ABI2: variants seen among roughly 807,000 people sequenced by gnomAD.
The protein encoded by ABI2 is abelson interactor 2.
ABI2 carries 25 observed loss-of-function variants against 59.2 expected under a neutral mutation model. The observed-to-expected ratio is 0.42, with a 90% CI of 0.31 to 0.59. ABI2 has a LOEUF of 0.59. Ranked by LOEUF, ABI2 falls within the 20% of genes least tolerant of loss-of-function variation. The pLI is 0.14. For missense variants in ABI2, 545 were observed against 681.8 expected, an observed-to-expected ratio of 0.80 and a Z score of 2.23; for synonymous variants, 213 against 235.5, an observed-to-expected ratio of 0.90 and a Z score of 0.87.
rs760904702 is a variant in ABI2, at chr2:203,395,609, C to T, written c.726-47C>T. 8 of 1,579,940 alleles carry T rather than the reference C, an allele frequency of 5.1e-6. No individual in the cohort carries two copies. The African/African-American group carries it at 9.6e-5, about 19-fold the overall frequency. On this transcript the variant is annotated intron_variant, in intron 6 of 11. Coordinates refer to ENST00000261018, the MANE Select transcript of ABI2 (RefSeq NM_001375670.1). ...AAATGTCGGGAAGTGCTGATGATCT[C>T]TTACTGTTTATAAATACTCATGTTT...
rs1468309333 is a variant in ABI2 at position 203,429,251 on chromosome 2, CTGCAGTGTAATGGCCCTGAA to C, written c.*1902_*1921del. On this transcript the variant is annotated 3_prime_UTR_variant, in exon 12 of 12. Coordinates refer to ENST00000261018, the MANE Select transcript of ABI2 (RefSeq NM_001375670.1). The stretch of plus-strand genomic sequence containing the variant: ...TCTACATCCCTTATTCCTTGTTTTC[CTGCAGTGTAATGGCCCTGAA>C]TGTCCTCTGAGCCTTCAGCTCCATT... The C allele has an allele frequency of 2.6e-5, 4 of 152,168 alleles. No individual in the cohort carries two copies. Among genetic ancestry groups the C allele is most frequent in the African/African-American group, 9.7e-5 (4 of 41,430 alleles). 9.4% of individuals were successfully genotyped at this position (152,168 alleles called of 1,614,324 possible).
Position 203,361,297 on chromosome 2 carries a change from A to T in ABI2, c.118-5580A>T, listed in dbSNP as rs2093464041. 3.3e-5 allele frequency among the ~76,000 whole-genome samples: 5 copies of T among 152,204 alleles called. No homozygotes were observed. In the South Asian group the frequency reaches 6.2e-4, roughly 19 times the overall value. On this transcript the variant is annotated intron_variant, in intron 1 of 11. Transcript: ENST00000261018. ...ATTCTCGGGCTTAAATCACCATATG[A>T]AAGTGAAATTCTGTTACTAGAGAAC...
intron 4 of ABI2, among the ~76,000 whole-genome samples, chr2:203,388,874 TA>T (rs775379479): frequency 4.3e-4 from 65 of 152,144 alleles, no homozygotes; most frequent in Admixed American, 1.4e-3. Context: ...ATATTTTAGC[TA>T]TCCCATGTAT....
At chr2:203,384,980 G>A (rs2096408722) in intron 4 of ABI2, among the ~76,000 whole-genome samples, 1 of 151,506 alleles carries the variant, frequency 6.6e-6, no homozygotes, top group Admixed American at 6.6e-5. Flanking sequence ...GATTGCAGGT[G>A]CCTGCCACCA....
chr2:203,404,168 G>A (rs940567979), intron 9 of ABI2, among the ~76,000 whole-genome samples: 2 of 152,158 alleles, frequency 1.3e-5, no homozygotes, highest in Non-Finnish European at 2.9e-5. Context: ...GATATAAAGT[G>A]CATGAAAGCC....
intron 1 of ABI2, among the ~76,000 whole-genome samples, chr2:203,356,701 T>C (rs775878543): frequency 6.6e-5 from 10 of 152,172 alleles, no homozygotes; most frequent in Non-Finnish European, 1.5e-4. Context: ...AGATGATGTC[T>C]CACCATGTTG....
At chr2:203,373,117 G>T (rs1230038142) in intron 2 of ABI2, among the ~76,000 whole-genome samples, 1 of 152,134 alleles carries the variant, frequency 6.6e-6, no homozygotes, top group Non-Finnish European at 1.5e-5. Context: ...CAGGCGGCTG[G>T]GAGGTGGAGG....
rs1358744438 is a variant in ABI2 at position 203,429,966 on chromosome 2, T to TC, written c.*2617dup. 1.3e-5 allele frequency: 2 copies of TC among 152,062 alleles called. No homozygotes were observed. Among genetic ancestry groups the TC allele is most frequent in the Non-Finnish European group, 2.9e-5 (2 of 68,028 alleles). The allele number at this position is 152,062 out of a possible 1,614,324, so 9.4% of individuals were successfully genotyped here. ...AGTCCATGGGTCTGCTGATTTTTTT[T>TC]CCCTATTTAGTACTAATGTGTGTGT... On this transcript the variant is annotated 3_prime_UTR_variant, in exon 12 of 12. Coordinates refer to ENST00000261018, the MANE Select transcript of ABI2 (RefSeq NM_001375670.1).
At chr2:203,355,541 C>G (rs990616701) in intron 1 of ABI2, among the ~76,000 whole-genome samples, 1 of 150,552 alleles carries the variant, frequency 6.6e-6, no homozygotes, top group African/African-American at 2.4e-5. Context: ...AAACAAAAAA[C>G]CCAAGAGGCC....
At chr2:203,379,636 T>C (rs925129130) in intron 2 of ABI2, among the ~76,000 whole-genome samples, 2 of 152,222 alleles carry the variant, frequency 1.3e-5, no homozygotes, top group Non-Finnish European at 2.9e-5. Flanking sequence ...GAAATGTAAC[T>C]AGATTAATTT....
At chr2:203,399,565 G>T (rs1339330900) in intron 8 of ABI2, among the ~76,000 whole-genome samples, 1 of 152,290 alleles carries the variant, frequency 6.6e-6, no homozygotes, top group Non-Finnish European at 1.5e-5. Flanking sequence ...GTCCAGGCTG[G>T]AGTGCAATGG....
intron 1 of ABI2, chr2:203,355,150 C>T (rs1444425505): frequency 5.2e-6 from 2 of 388,274 alleles, no homozygotes; most frequent in East Asian, 1.5e-4. Flanking sequence ...ATGCTTCTTT[C>T]TAGGCTTTCC....
intron 1 of ABI2, among the ~76,000 whole-genome samples, chr2:203,332,130 A>G (rs1362357203): frequency 6.6e-6 from 1 of 152,004 alleles, no homozygotes; most frequent in Non-Finnish European, 1.5e-5. Context: ...CATTTTTAAT[A>G]AAAATTTAGA....
intron 1 of ABI2, among the ~76,000 whole-genome samples, chr2:203,331,078 T>G (rs1488854166): frequency 1.3e-5 from 2 of 152,204 alleles, no homozygotes; most frequent in Non-Finnish European, 2.9e-5. Flanking sequence ...TTTCTTCAGT[T>G]TAGCATCTGA....
At chr2:203,334,079 T>A (rs2075312819) in intron 1 of ABI2, among the ~76,000 whole-genome samples, 1 of 152,038 alleles carries the variant, frequency 6.6e-6, no homozygotes, top group South Asian at 2.1e-4. Flanking sequence ...TAGTTGGGAC[T>A]ACAGGCATGT....
At chr2:203,356,392 A>G (rs758254938) in intron 1 of ABI2, among the ~76,000 whole-genome samples, 1 of 152,102 alleles carries the variant, frequency 6.6e-6, no homozygotes, top group Non-Finnish European at 1.5e-5. Context: ...ATTTTGAGAC[A>G]GAGTCTCGCT....
intron 2 of ABI2, among the ~76,000 whole-genome samples, chr2:203,375,093 C>T (rs1037619536): frequency 1.3e-5 from 2 of 152,092 alleles, no homozygotes; most frequent in Non-Finnish European, 2.9e-5. Context: ...GGGTTTGGCA[C>T]TGTGTGGCTG....
chr2:203,417,629 T>C (rs987978328), intron 11 of ABI2, among the ~76,000 whole-genome samples: 3 of 152,224 alleles, frequency 2.0e-5, no homozygotes, highest in African/African-American at 7.2e-5. Flanking sequence ...AAATGTGTGC[T>C]GTCTGGAAGG....
At chr2:203,417,710 T>G (rs2097959020) in intron 11 of ABI2, among the ~76,000 whole-genome samples, 1 of 152,150 alleles carries the variant, frequency 6.6e-6, no homozygotes, top group South Asian at 2.1e-4. Context: ...TTAGAATCAC[T>G]TGGAGAGCTT....
Sources: allele counts gnomAD v4.1 joint callset (sites outside exome capture counted in the v4.1 genomes callset), GRCh38; gene constraint gnomAD v4.1.1; transcripts MANE v1.5; gene names NCBI Gene and HGNC (gene_info 2026-07-23, HGNC 2026-07-21).